NIPAL3: variants seen among roughly 807,000 people sequenced by gnomAD.
The protein encoded by NIPAL3 is NIPA like domain containing 3, also known as NIPA-like protein 3.
Under a neutral mutation model 47.2 loss-of-function variants are expected in NIPAL3, and 41 were observed. The observed-to-expected ratio is 0.87, with a 90% CI of 0.68 to 1.13. The LOEUF is 1.13. NIPAL3 is among the 50% of genes most tolerant of loss of function. NIPAL3 has a pLI of 0.00. For synonymous variants in NIPAL3, 194 were observed against 209.6 expected (o/e 0.93, Z 0.64); for missense variants, 449 against 530.1 (o/e 0.85, Z 1.50).
intron 2 of NIPAL3, among the ~76,000 whole-genome samples, chr1:24,430,783 C>T (rs1644843987): frequency 6.6e-6 from 1 of 152,144 alleles, no homozygotes; most frequent in South Asian, 2.1e-4. Context: ...CCTAAAGGCA[C>T]CTTGTGTTAA....
chr1:24,447,572 C>G (rs1557516682), intron 5 of NIPAL3, among the ~76,000 whole-genome samples: 1 of 151,998 alleles, frequency 6.6e-6, no homozygotes, highest in Admixed American at 6.5e-5. Context: ...AAAAGCAGAA[C>G]TTTGCCAAAA....
chr1:24,456,372 A>ACATG, intron 8 of NIPAL3, 99 bp downstream of exon 8: 9 of 1,521,282 alleles, frequency 5.9e-6, no homozygotes, highest in Non-Finnish European at 8.1e-6. Context: ...GGAGGCCAGA[A>ACATG]CATGCCCCAG....
At chr1:24,462,270 G>A (rs1336861211) in intron 10 of NIPAL3, among the ~76,000 whole-genome samples, 1 of 152,110 alleles carries the variant, frequency 6.6e-6, no homozygotes, top group East Asian at 1.9e-4. Context: ...GGGGATTGTG[G>A]GAACTACAAT....
chr1:24,429,175 C>T (rs929935789), intron 2 of NIPAL3, among the ~76,000 whole-genome samples: 20 of 152,058 alleles, frequency 1.3e-4, no homozygotes, highest in Admixed American at 2.0e-4. Flanking sequence ...TTTGGAAGGC[C>T]GAGGTGGGCA....
rs777107183 is a variant in NIPAL3, at chr1:24,464,006, A to G, written c.927-20A>G. ...TGCTCCTGGCCTTATTTCTCTTCCT[A>G]TCTTATCTCCATTCCGCAGGTGCCT... On this transcript the variant is annotated intron_variant, in intron 10 of 11. Transcript: ENST00000374399. The G allele has an allele frequency of 1.2e-6, 2 of 1,602,388 alleles. No individual in the cohort carries two copies. The highest frequency in any genetic ancestry group is 1.1e-5 in the South Asian group (1 of 89,546).
chr1:24,441,329 C>T (rs1645373754), intron 3 of NIPAL3, among the ~76,000 whole-genome samples: 1 of 152,148 alleles, frequency 6.6e-6, no homozygotes, highest in Non-Finnish European at 1.5e-5. Flanking sequence ...CTGGTTCATT[C>T]TCTTCTTTCT....
intron 5 of NIPAL3, among the ~76,000 whole-genome samples, chr1:24,447,961 G>T (rs1388995738): frequency 6.6e-6 from 1 of 152,256 alleles, no homozygotes; most frequent in African/African-American, 2.4e-5. Flanking sequence ...TTCACTCAGT[G>T]CTAGACCTGT....
At chr1:24,427,788 A>G (rs375556811) in intron 2 of NIPAL3, among the ~76,000 whole-genome samples, 23 of 152,336 alleles carry the variant, frequency 1.5e-4, no homozygotes, top group African/African-American at 5.5e-4. Context: ...AGCCTTTATT[A>G]TCATAGTAAC....
At chr1:24,463,288 C>T (rs987376315) in intron 10 of NIPAL3, among the ~76,000 whole-genome samples, 2 of 152,170 alleles carry the variant, frequency 1.3e-5, no homozygotes, top group Non-Finnish European at 2.9e-5. Context: ...ATTTAACTTA[C>T]ATGAATTAAA....
chr1:24,437,831 G>T (rs1286428644), intron 2 of NIPAL3, among the ~76,000 whole-genome samples: 1 of 152,158 alleles, frequency 6.6e-6, no homozygotes, highest in African/African-American at 2.4e-5. Flanking sequence ...GTGTCCAATG[G>T]GGAGGGGGCG....
intron 7 of NIPAL3, among the ~76,000 whole-genome samples, chr1:24,453,779 A>G (rs565655240): frequency 2.0e-5 from 3 of 152,188 alleles, no homozygotes; most frequent in East Asian, 1.9e-4. Context: ...AACAATTCCA[A>G]TGAGGAAGAA....
At chr1:24,437,817 G>A (rs1645192634) in intron 2 of NIPAL3, among the ~76,000 whole-genome samples, 1 of 152,182 alleles carries the variant, frequency 6.6e-6, no homozygotes, top group Non-Finnish European at 1.5e-5. Context: ...GTTCCAATAA[G>A]ACCGTGTCCA....
At chr1:24,444,018 C>CTTT (rs10648122) in intron 4 of NIPAL3, among the ~76,000 whole-genome samples, 7 of 148,020 alleles carry the variant, frequency 4.7e-5, no homozygotes, top group Non-Finnish European at 3.0e-5. Context: ...TAACCAAATT[C>CTTT]TTTTTTTTTT....
chr1:24,466,262 A>G, intron 11 of NIPAL3: 1 of 523,824 alleles, frequency 1.9e-6, no homozygotes, highest in East Asian at 3.1e-5. Flanking sequence ...ATGGATCAGG[A>G]CACAAGCAGG....
chr1:24,447,066 G>A (rs1256767957), intron 5 of NIPAL3, among the ~76,000 whole-genome samples: 1 of 152,182 alleles, frequency 6.6e-6, no homozygotes, highest in Admixed American at 6.5e-5. Context: ...GTGAGAGGGA[G>A]ATCAGTGAGA....
At chr1:24,421,442 A>G (rs1352770618) in intron 2 of NIPAL3, among the ~76,000 whole-genome samples, 2 of 152,206 alleles carry the variant, frequency 1.3e-5, no homozygotes, top group Non-Finnish European at 2.9e-5. Flanking sequence ...CTCTCATTTG[A>G]TGGACTGGAA....
chr1:24,441,719 G>A (rs1222295988), intron 3 of NIPAL3, among the ~76,000 whole-genome samples: 2 of 152,190 alleles, frequency 1.3e-5, no homozygotes, highest in Admixed American at 6.5e-5. Context: ...CTCCCACCCT[G>A]AGACTGCATT....
rs979803099 is a variant in NIPAL3, at chr1:24,451,801, C to T, written c.541-1607C>T. On this transcript the variant is annotated intron_variant, in intron 6 of 11. Transcript: ENST00000374399. The surrounding 1 kb of genome is among the most constrained non-coding windows in gnomAD (Gnocchi z 4.5). ...GGTTGGGAATGTTGATGATTGACAG[C>T]ACATCCACTTGATGAAGTATTCTGC... is the stretch of plus-strand genomic sequence containing the variant. Among the ~76,000 whole-genome samples, 9 of 152,112 alleles carry T rather than the reference C, an allele frequency of 5.9e-5. No homozygotes were observed. Among genetic ancestry groups the T allele is most frequent in the Admixed American group, 5.9e-4 (9 of 15,278 alleles).
intron 6 of NIPAL3, among the ~76,000 whole-genome samples, chr1:24,452,434 T>C (rs1645982472): frequency 6.6e-6 from 1 of 152,200 alleles, no homozygotes; most frequent in South Asian, 2.1e-4. Context: ...TTAACGTAGA[T>C]AAAATGCTTA....
Sources: gnomAD v4.1 joint callset for allele counts (sites outside exome capture counted in the v4.1 genomes callset) on GRCh38, gnomAD v4.1.1 for gene constraint, Gnocchi (gnomAD v3.1) non-coding constraint, MANE v1.5 for transcripts, NCBI Gene and HGNC (gene_info 2026-07-23, HGNC 2026-07-21) for gene names.